Variants in RBFOX1 observed in about 807,000 individuals in gnomAD.
RBFOX1 encodes the protein RNA binding fox-1 homolog 1.
A neutral mutation model predicts 57.7 loss-of-function variants in RBFOX1; 8 were observed. The ratio of observed to expected loss-of-function variants is 0.14; its 90% CI spans 0.08 to 0.25. RBFOX1 has a LOEUF of 0.25. Ranked by LOEUF, RBFOX1 falls within the 10% of genes least tolerant of loss-of-function variation. The pLI is 1.00. For missense variants in RBFOX1, 611 were observed against 548.5 expected (o/e 1.11, Z -1.14); for synonymous variants, 326 against 222.4 (o/e 1.47, Z -4.15).
chr16:6,232,981 T>A (rs1172781995), intron 1 of RBFOX1, among the ~76,000 whole-genome samples: 1 of 152,160 alleles, frequency 6.6e-6, no homozygotes, highest in Non-Finnish European at 1.5e-5. Flanking sequence ...GTAGCCGTAC[T>A]GTGTAAACCC....
intron 3 of RBFOX1, among the ~76,000 whole-genome samples, chr16:5,834,849 A>G (rs1347250004): frequency 6.6e-6 from 1 of 151,986 alleles, no homozygotes; most frequent in Admixed American, 6.5e-5. Flanking sequence ...TTTCTTTTCC[A>G]TTGGGTAGCT....
chr16:7,376,156 A>G (rs1397829345), intron 4 of RBFOX1, among the ~76,000 whole-genome samples: 2 of 152,194 alleles, frequency 1.3e-5, no homozygotes. Context: ...GGATGATTGC[A>G]TTTTTGGAAC....
intron 2 of RBFOX1, among the ~76,000 whole-genome samples, chr16:6,373,791 G>A (rs2090811399): frequency 1.3e-5 from 2 of 152,256 alleles, no homozygotes; most frequent in South Asian, 4.1e-4. Flanking sequence ...GGTTGTGTGG[G>A]ATGTGGTCTG....
chr16:7,162,492 G>A (rs1448499353), intron 4 of RBFOX1, among the ~76,000 whole-genome samples: 1 of 151,672 alleles, frequency 6.6e-6, no homozygotes, highest in East Asian at 1.9e-4. Flanking sequence ...CACTTTGAGA[G>A]GTTGAGGGGG....
chr16:5,560,308 C>T (rs140637709), intron 2 of RBFOX1, among the ~76,000 whole-genome samples: 1 of 152,044 alleles, frequency 6.6e-6, no homozygotes, highest in Admixed American at 6.6e-5. Context: ...AGCACTTAGT[C>T]ACTTCCTCCA....
At chr16:7,431,414 G>GTC (rs1179102359) in intron 4 of RBFOX1, 6 of 151,920 alleles carry the variant, frequency 3.9e-5, no homozygotes. Context: ...TTGTGTGTGT[G>GTC]TGTGTGTGTG....
At chr16:7,247,976 G>C (rs1054501297) in intron 4 of RBFOX1, among the ~76,000 whole-genome samples, 3 of 152,066 alleles carry the variant, frequency 2.0e-5, no homozygotes, top group African/African-American at 7.2e-5. Context: ...AAATCTGTAA[G>C]ACAAACTCCC....
chr16:6,232,411 G>A (rs955335619), intron 1 of RBFOX1, among the ~76,000 whole-genome samples: 1 of 152,216 alleles, frequency 6.6e-6, no homozygotes, highest in Non-Finnish European at 1.5e-5. Flanking sequence ...GGGACCGAAT[G>A]AGAGTAGAAT....
intron 3 of RBFOX1, among the ~76,000 whole-genome samples, chr16:6,879,625 G>C (rs556803185): frequency 6.6e-6 from 1 of 152,150 alleles, no homozygotes; most frequent in African/African-American, 2.4e-5. Flanking sequence ...TATGTCATGC[G>C]ATGTTTTAGG....
At chr16:5,738,794 C>T (rs534475342) in intron 3 of RBFOX1, among the ~76,000 whole-genome samples, 2 of 152,266 alleles carry the variant, frequency 1.3e-5, no homozygotes, top group South Asian at 2.1e-4. Context: ...TCTGTGTAAA[C>T]ATATCACAGT....
chr16:6,198,156 C>T (rs1598298398), intron 1 of RBFOX1, among the ~76,000 whole-genome samples: 1 of 152,154 alleles, frequency 6.6e-6, no homozygotes, highest in South Asian at 2.1e-4. Context: ...GGTGAGTTCT[C>T]ATCATTTGGC....
At chr16:7,404,600 C>T (rs761169645) in intron 4 of RBFOX1, among the ~76,000 whole-genome samples, 1 of 152,144 alleles carries the variant, frequency 6.6e-6, no homozygotes, top group Non-Finnish European at 1.5e-5. Flanking sequence ...CCTGAGTGAC[C>T]AGTACCTACA....
At chr16:7,141,865 A>T (rs1904224) in intron 4 of RBFOX1, among the ~76,000 whole-genome samples, 115,051 of 152,086 alleles carry the variant, frequency 0.76, 43,654 homozygotes, top group Middle Eastern at 0.84. Flanking sequence ...CTTCTCACCT[A>T]TTCTCTGCAC....
At chr16:5,988,766 T>C (rs1355005532) in intron 4 of RBFOX1, among the ~76,000 whole-genome samples, 1 of 151,808 alleles carries the variant, frequency 6.6e-6, no homozygotes, top group African/African-American at 2.4e-5. Context: ...GAGATTTTCT[T>C]TCCCTGCCCT....
At chr16:6,709,604 A>T (rs1306685254) in intron 3 of RBFOX1, among the ~76,000 whole-genome samples, 1 of 152,104 alleles carries the variant, frequency 6.6e-6, no homozygotes, top group Admixed American at 6.6e-5. Context: ...ATTTACATGA[A>T]TCTCCCATAA....
intron 3 of RBFOX1, among the ~76,000 whole-genome samples, chr16:6,755,154 G>A (rs1018891902): frequency 1.2e-4 from 18 of 152,128 alleles, no homozygotes; most frequent in African/African-American, 3.4e-4. Context: ...GGATAGTGCC[G>A]CAATAAACAT....
rs72636207 is a variant in RBFOX1 at position 6,700,775 on chromosome 16, G to A, written c.-16+46125G>A. Among the ~76,000 whole-genome samples the A allele has an allele frequency of 4.0e-3, 602 of 152,202 alleles. 20 individuals are homozygous for A. In the East Asian group the frequency reaches 0.058, roughly 15 times the overall value. Reference sequence around the variant, plus strand: ...AAAATTTCATTACTACATTTACCATGTTATCTATGGCATATCCCAGCAAGT... The same window carrying A: ...AAAATTTCATTACTACATTTACCATATTATCTATGGCATATCCCAGCAAGT... On this transcript the variant is annotated intron_variant, in intron 3 of 15. Transcript: ENST00000550418.
chr16:7,450,359 A>G (rs961799403), intron 4 of RBFOX1, among the ~76,000 whole-genome samples: 1 of 127,998 alleles, frequency 7.8e-6, no homozygotes, highest in Non-Finnish European at 1.5e-5. Context: ...GCGCCATTGC[A>G]CTCCAGCCTG....
intron 4 of RBFOX1, among the ~76,000 whole-genome samples, chr16:7,150,270 G>A (rs1024385308): frequency 2.0e-5 from 3 of 152,184 alleles, no homozygotes; most frequent in Non-Finnish European, 2.9e-5. Flanking sequence ...CCACCTATCT[G>A]TACAACCTTG....
Sources: gnomAD v4.1 joint callset for allele counts (sites outside exome capture counted in the v4.1 genomes callset) on GRCh38, gnomAD v4.1.1 for gene constraint, MANE v1.5 for transcripts, NCBI Gene and HGNC (gene_info 2026-07-23, HGNC 2026-07-21) for gene names.